The following JAKMIP2 variants were observed in gnomAD, a reference collection of about 807,000 sequenced individuals.
The protein encoded by JAKMIP2 is janus kinase and microtubule interacting protein 2.
In JAKMIP2, 25 loss-of-function variants were observed where a neutral mutation model predicts 115.0. That is an observed-to-expected ratio of 0.22 (90% CI 0.16 to 0.30). JAKMIP2 has a LOEUF of 0.30. Among genes scored for constraint, JAKMIP2 ranks in the 10% least tolerant of loss-of-function variants. The pLI is 1.00. For missense variants in JAKMIP2, 642 were observed against 957.6 expected, an observed-to-expected ratio of 0.67 and a Z score of 4.35; for synonymous variants, 334 against 343.6, an observed-to-expected ratio of 0.97 and a Z score of 0.31.
At chr5:147,611,084 T>C (rs1369640526) in intron 20 of JAKMIP2, among the ~76,000 whole-genome samples, 1 of 152,000 alleles carries the variant, frequency 6.6e-6, no homozygotes, top group Non-Finnish European at 1.5e-5. Context: ...TGCTGGCAGG[T>C]AGAATTTCAA....
At chr5:147,591,771 A>G (rs563216992) in intron 21 of JAKMIP2, 85 bp from the exon 22 acceptor site, 26 of 828,842 alleles carry the variant, frequency 3.1e-5, no homozygotes, top group Non-Finnish European at 4.9e-5. Context: ...AAAAGACACA[A>G]ATTTTTTATT....
At chr5:147,665,120 G>A (rs1051711993) in intron 2 of JAKMIP2, among the ~76,000 whole-genome samples, 1 of 152,050 alleles carries the variant, frequency 6.6e-6, no homozygotes, top group Non-Finnish European at 1.5e-5. Flanking sequence ...TCTAGATTGG[G>A]GTGGGCAAAC....
intron 21 of JAKMIP2, among the ~76,000 whole-genome samples, chr5:147,597,410 T>C (rs565875030): frequency 3.3e-5 from 5 of 152,276 alleles, no homozygotes; most frequent in African/African-American, 1.2e-4. Flanking sequence ...GTTCAAAAAT[T>C]TATGGTTAAC....
intron 1 of JAKMIP2, among the ~76,000 whole-genome samples, chr5:147,724,314 T>C (rs751672555): frequency 1.3e-5 from 2 of 152,210 alleles, no homozygotes; most frequent in Non-Finnish European, 2.9e-5. Context: ...ATACATTTTC[T>C]ACCACCATTA....
chr5:147,769,705 A>G (rs2127071411), intron 1 of JAKMIP2, among the ~76,000 whole-genome samples: 1 of 149,966 alleles, frequency 6.7e-6, no homozygotes, highest in Non-Finnish European at 1.5e-5. Context: ...TTTTTTTCAA[A>G]ATATTAGGAC....
At chr5:147,756,359 A>C (rs1179613147) in intron 1 of JAKMIP2, among the ~76,000 whole-genome samples, 1 of 152,156 alleles carries the variant, frequency 6.6e-6, no homozygotes, top group African/African-American at 2.4e-5. Context: ...GTACACACAC[A>C]AATTAGAGCA....
intron 1 of JAKMIP2, among the ~76,000 whole-genome samples, chr5:147,674,178 CAT>C (rs988795386): frequency 6.6e-6 from 1 of 152,178 alleles, no homozygotes; most frequent in African/African-American, 2.4e-5. Context: ...GGCAAAACCA[CAT>C]GTCCAATTGT....
chr5:147,702,608 GAAAGAAA>G (rs2126889001), intron 1 of JAKMIP2, among the ~76,000 whole-genome samples: 1 of 14,864 alleles, frequency 6.7e-5, no homozygotes, highest in East Asian at 1.2e-3. Flanking sequence ...AAGAAGGAAA[GAAAGAAA>G]GAAAGAAAGA....
intron 1 of JAKMIP2, among the ~76,000 whole-genome samples, chr5:147,749,435 A>G (rs1281941864): frequency 6.6e-6 from 1 of 152,224 alleles, no homozygotes; most frequent in Non-Finnish European, 1.5e-5. Flanking sequence ...TGACAGAGCT[A>G]GAAGTCAAAC....
At chr5:147,612,702 C>T (rs1374993536) in intron 19 of JAKMIP2, among the ~76,000 whole-genome samples, 2 of 152,162 alleles carry the variant, frequency 1.3e-5, no homozygotes, top group African/African-American at 4.8e-5. Flanking sequence ...TTGTTTTGGC[C>T]TGTGGAATGC....
chr5:147,761,777 T>G (rs923060289), intron 1 of JAKMIP2, among the ~76,000 whole-genome samples: 2 of 151,930 alleles, frequency 1.3e-5, no homozygotes, highest in Non-Finnish European at 2.9e-5. Context: ...TAAATAAATA[T>G]GACAAATGGT....
At chr5:147,697,829 G>A (rs762282146) in intron 1 of JAKMIP2, among the ~76,000 whole-genome samples, 13 of 152,212 alleles carry the variant, frequency 8.5e-5, no homozygotes, top group African/African-American at 1.4e-4. Flanking sequence ...CTGCAGGGGC[G>A]GAGTCCTCAT....
intron 1 of JAKMIP2, among the ~76,000 whole-genome samples, chr5:147,674,051 A>T (rs1759785847): frequency 6.6e-6 from 1 of 152,126 alleles, no homozygotes. Flanking sequence ...TTTACTTATC[A>T]AATCCACTTG....
At chr5:147,684,344 G>C (rs917319939) in intron 1 of JAKMIP2, among the ~76,000 whole-genome samples, 16 of 151,506 alleles carry the variant, frequency 1.1e-4, no homozygotes, top group Non-Finnish European at 1.9e-4. Flanking sequence ...CTGAGAACAA[G>C]AGGAATTGTA....
At chr5:147,735,275 T>C (rs1002993075) in intron 1 of JAKMIP2, among the ~76,000 whole-genome samples, 1 of 152,176 alleles carries the variant, frequency 6.6e-6, no homozygotes, top group African/African-American at 2.4e-5. Context: ...GATTGTCAAA[T>C]GGTAAAGCGC....
chr5:147,725,866 G>A (rs1753496492), intron 1 of JAKMIP2, among the ~76,000 whole-genome samples: 1 of 152,130 alleles, frequency 6.6e-6, no homozygotes, highest in African/African-American at 2.4e-5. Context: ...ACAGCTATGG[G>A]TGACAGGACT....
chr5:147,670,085 T>C (rs1420337712), intron 2 of JAKMIP2, among the ~76,000 whole-genome samples: 1 of 152,184 alleles, frequency 6.6e-6, no homozygotes, highest in Non-Finnish European at 1.5e-5. Flanking sequence ...AATGCTGTTC[T>C]AAAATGACAT....
At chr5:147,775,795 C>A (rs1363872047) in intron 1 of JAKMIP2, among the ~76,000 whole-genome samples, 1 of 152,188 alleles carries the variant, frequency 6.6e-6, no homozygotes, top group Non-Finnish European at 1.5e-5. Context: ...TTCATTCATT[C>A]AGCCACTCAG....
intron 1 of JAKMIP2, among the ~76,000 whole-genome samples, chr5:147,716,454 C>G (rs989462021): frequency 6.7e-6 from 1 of 149,074 alleles, no homozygotes; most frequent in African/African-American, 2.5e-5. Context: ...AGTTTACAGT[C>G]CCACCAACAG....
Sources: gnomAD v4.1 joint callset for allele counts (sites outside exome capture counted in the v4.1 genomes callset) on GRCh38, gnomAD v4.1.1 for gene constraint, MANE v1.5 for transcripts, NCBI Gene and HGNC (gene_info 2026-07-23, HGNC 2026-07-21) for gene names.